The following MALRD1 variants were observed in gnomAD, a reference collection of about 807,000 sequenced individuals.
MALRD1 encodes the protein MAM and LDL receptor class A domain containing 1.
A neutral mutation model predicts 242.1 loss-of-function variants in MALRD1; 247 were observed. The observed-to-expected ratio is 1.02, with a 90% confidence interval of 0.92 to 1.13. The LOEUF is 1.13. Among genes scored for constraint, MALRD1 ranks in the 50% most tolerant of loss-of-function variants. MALRD1 has a pLI of 0.00. For synonymous variants in MALRD1, 995 were observed against 866.6 expected (o/e 1.15, Z -2.60); for missense variants, 2,989 against 2,533.1 (o/e 1.18, Z -3.86).
At chr10:19,285,402 T>G (rs1841059236) in intron 21 of MALRD1, among the ~76,000 whole-genome samples, 1 of 148,912 alleles carries the variant, frequency 6.7e-6, no homozygotes, top group Non-Finnish European at 1.5e-5. Flanking sequence ...CGTTTAAATC[T>G]TTAATCCATC....
At chr10:19,494,503 A>G (rs1325693132) in intron 30 of MALRD1, among the ~76,000 whole-genome samples, 1 of 152,210 alleles carries the variant, frequency 6.6e-6, no homozygotes, top group African/African-American at 2.4e-5. Context: ...TCAGGAGGAC[A>G]TTGAAACCCA....
chr10:19,319,956 A>G (rs1469117514), intron 21 of MALRD1, among the ~76,000 whole-genome samples: 1 of 151,904 alleles, frequency 6.6e-6, no homozygotes, highest in African/African-American at 2.4e-5. Context: ...GTAGACAAAA[A>G]CATCTTAATT....
At chr10:19,135,785 G>A in intron 9 of MALRD1, among the ~76,000 whole-genome samples, 1 of 152,174 alleles carries the variant, frequency 6.6e-6, no homozygotes, top group East Asian at 1.9e-4. Flanking sequence ...GATACAGTCA[G>A]CTATTTATAC....
intron 36 of MALRD1, among the ~76,000 whole-genome samples, chr10:19,679,765 T>C: frequency 6.6e-6 from 1 of 152,148 alleles, no homozygotes; most frequent in South Asian, 2.1e-4. Flanking sequence ...TTGAGATCTT[T>C]TGAGCTTTTC....
chr10:19,268,148 T>C (rs1564515749), intron 19 of MALRD1, among the ~76,000 whole-genome samples: 1 of 152,094 alleles, frequency 6.6e-6, no homozygotes, highest in Non-Finnish European at 1.5e-5. Context: ...TGTAGTCACA[T>C]TCAAATATAG....
intron 14 of MALRD1, among the ~76,000 whole-genome samples, chr10:19,202,052 G>A (rs1359991561): frequency 1.3e-5 from 2 of 152,052 alleles, no homozygotes; most frequent in Non-Finnish European, 2.9e-5. Flanking sequence ...TTGACCTTGT[G>A]ATCAGACTGC....
chr10:19,117,865 ATT>A (rs1005579868), intron 5 of MALRD1, among the ~76,000 whole-genome samples: 2 of 152,200 alleles, frequency 1.3e-5, no homozygotes, highest in Non-Finnish European at 2.9e-5. Context: ...TTCTTAGGCC[ATT>A]TATTCATTTA....
chr10:19,351,905 A>C (rs1844391413), intron 25 of MALRD1, 101 bp from the exon 26 acceptor site: 2 of 1,113,326 alleles, frequency 1.8e-6, no homozygotes, highest in African/African-American at 1.6e-5. Context: ...TTCCTCCAGA[A>C]ATCTGTTAAT....
intron 31 of MALRD1, among the ~76,000 whole-genome samples, chr10:19,508,811 GT>G (rs1833265844): frequency 6.6e-6 from 1 of 152,090 alleles, no homozygotes; most frequent in African/African-American, 2.4e-5. Context: ...GGACAACCCT[GT>G]TTAATATTAC....
intron 17 of MALRD1, among the ~76,000 whole-genome samples, chr10:19,206,731 G>A (rs1296028679): frequency 2.6e-5 from 4 of 152,078 alleles, no homozygotes; most frequent in South Asian, 2.1e-4. Flanking sequence ...TGAGAGATGC[G>A]GTCTTTTATG....
At chr10:19,053,129 T>G (rs1183980094) in intron 1 of MALRD1, among the ~76,000 whole-genome samples, 2 of 152,148 alleles carry the variant, frequency 1.3e-5, no homozygotes, top group African/African-American at 2.4e-5. Context: ...GCTCAGGTTT[T>G]GATAAGGTGA....
At chr10:19,491,904 A>G (rs1477985048) in intron 30 of MALRD1, among the ~76,000 whole-genome samples, 1 of 152,054 alleles carries the variant, frequency 6.6e-6, no homozygotes, top group Non-Finnish European at 1.5e-5. Context: ...AAATAATCCC[A>G]TTCTGTAATT....
chr10:19,622,334 A>C (rs942329925), intron 36 of MALRD1, among the ~76,000 whole-genome samples: 5 of 151,788 alleles, frequency 3.3e-5, no homozygotes, highest in Non-Finnish European at 5.9e-5. Context: ...ATACATAGAC[A>C]AAACTATTAA....
chr10:19,227,245 G>T (rs2131682027), intron 18 of MALRD1, among the ~76,000 whole-genome samples: 1 of 151,932 alleles, frequency 6.6e-6, no homozygotes, highest in East Asian at 1.9e-4. Context: ...AAGACATATT[G>T]TAAAGCTACA....
chr10:19,555,825 G>C (rs1028616255), intron 32 of MALRD1, among the ~76,000 whole-genome samples: 3 of 152,142 alleles, frequency 2.0e-5, no homozygotes, highest in Non-Finnish European at 4.4e-5. Context: ...GTTGGGGAAA[G>C]TAGTTGATGT....
intron 29 of MALRD1, among the ~76,000 whole-genome samples, chr10:19,455,888 G>C (rs191710634): frequency 3.3e-5 from 5 of 152,154 alleles, no homozygotes; most frequent in African/African-American, 1.2e-4. Flanking sequence ...TCCCTTTTCA[G>C]TGCCTCTTTC....
intron 4 of MALRD1, among the ~76,000 whole-genome samples, chr10:19,102,031 A>G (rs1236099928): frequency 7.3e-6 from 1 of 137,444 alleles, no homozygotes; most frequent in Non-Finnish European, 1.5e-5. Flanking sequence ...TTAATTATAA[A>G]CTATATTTAA....
chr10:19,470,597 T>A (rs1427632906), intron 29 of MALRD1, among the ~76,000 whole-genome samples: 1 of 151,898 alleles, frequency 6.6e-6, no homozygotes, highest in Admixed American at 6.6e-5. Flanking sequence ...ATTCTCCCCT[T>A]TTATTTTTCA....
rs76303876 is a variant in MALRD1, at chr10:19,511,923, A to C, written c.5320+13277A>C. On this transcript the variant is annotated intron_variant, in intron 31 of 39. Transcript: ENST00000454679. ...ATCCTTGTTTTGGGGAAAGTTGGCC[A>C]CATCTAGGATGTCATCTTCTTCTGA... Among the ~76,000 whole-genome samples, 219 of 152,182 alleles carry C rather than the reference A, an allele frequency of 1.4e-3. 7 individuals are homozygous for C. Among genetic ancestry groups the C allele is most frequent in the East Asian group, 0.014 (71 of 5,178 alleles).
Sources: gnomAD v4.1 joint callset for allele counts (sites outside exome capture counted in the v4.1 genomes callset) on GRCh38, gnomAD v4.1.1 for gene constraint, MANE v1.5 for transcripts, NCBI Gene and HGNC (gene_info 2026-07-23, HGNC 2026-07-21) for gene names.